The following NCS1 variants were observed in gnomAD, a reference collection of about 807,000 sequenced individuals.
NCS1 encodes neuronal calcium sensor 1, also known as frequenin homolog.
Under a neutral mutation model 28.4 loss-of-function variants are expected in NCS1, and 6 were observed. That is an observed-to-expected ratio of 0.21 (90% CI 0.12 to 0.42). The LOEUF is 0.42. Ranked by LOEUF, NCS1 falls within the 10% of genes least tolerant of loss-of-function variation. The pLI, the probability that NCS1 is intolerant of heterozygous loss-of-function variation, is 1.00. For missense variants in NCS1, 131 were observed against 241.4 expected (o/e 0.54, Z 3.03); for synonymous variants, 86 against 99.3 (o/e 0.87, Z 0.79).
At chr9:130,211,265 T>C (rs2131144624) in intron 2 of NCS1, among the ~76,000 whole-genome samples, 2 of 151,920 alleles carry the variant, frequency 1.3e-5, no homozygotes, top group East Asian at 3.9e-4. Flanking sequence ...CCCTTTCTCC[T>C]GCACACATGA....
At chr9:130,190,215 A>G (rs575685293) in intron 1 of NCS1, among the ~76,000 whole-genome samples, 3 of 152,280 alleles carry the variant, frequency 2.0e-5, no homozygotes, top group East Asian at 1.9e-4. Flanking sequence ...AGCACCTACT[A>G]TGTGCCAGAT....
At chr9:130,176,854 T>A (rs1832579395) in intron 1 of NCS1, among the ~76,000 whole-genome samples, 1 of 152,168 alleles carries the variant, frequency 6.6e-6, no homozygotes, top group African/African-American at 2.4e-5. Context: ...TGCAAGCCAT[T>A]TGTGGTGGTC....
chr9:130,203,421 G>A lies in NCS1; in HGVS notation c.89+2439G>A, dbSNP rs1168044487. ...TGCCCAGCCTCCAGTGTGAATATTT[G>A]AATGAGGGATGAATGAGTGGACAGC... On this transcript the variant is annotated intron_variant, in intron 2 of 7. Coordinates refer to ENST00000372398, the MANE Select transcript of NCS1 (RefSeq NM_014286.4). Among the ~76,000 whole-genome samples the A allele has an allele frequency of 5.3e-5, 8 of 152,292 alleles. No homozygotes were observed. The East Asian group carries it at 1.5e-3, about 29-fold the overall frequency.
intron 6 of NCS1, among the ~76,000 whole-genome samples, chr9:130,225,289 C>T (rs1374017207): frequency 2.0e-5 from 3 of 152,210 alleles, no homozygotes; most frequent in African/African-American, 7.2e-5. Flanking sequence ...AAAGCTTTGA[C>T]CTGAGGCCTG....
intron 2 of NCS1, among the ~76,000 whole-genome samples, chr9:130,202,867 A>C (rs908867438): frequency 6.6e-6 from 1 of 151,970 alleles, no homozygotes; most frequent in Non-Finnish European, 1.5e-5. Context: ...GGAGTGAGCC[A>C]CTGCACGTGG....
At position 130,216,700 on chromosome 9, in the gene NCS1, A is replaced by G. The variant is rs1245369342; in HGVS notation, c.90-1132A>G. Among the ~76,000 whole-genome samples, 3 of 149,694 alleles carry G rather than the reference A, an allele frequency of 2.0e-5. No homozygotes were observed. In the East Asian group the frequency reaches 6.0e-4, roughly 30 times the overall value. ...CACTGCACTCCAGCCTGGGCGACAC[A>G]GTGAGACTCTGTCTCAAAAAAAAAA... On this transcript the variant is annotated intron_variant, in intron 2 of 7. Coordinates refer to ENST00000372398, the MANE Select transcript of NCS1 (RefSeq NM_014286.4).
At chr9:130,225,049 G>A (rs531726522) in intron 6 of NCS1, among the ~76,000 whole-genome samples, 3 of 152,156 alleles carry the variant, frequency 2.0e-5, no homozygotes, top group East Asian at 3.9e-4. Context: ...AAAATTAGCC[G>A]GGTGTGGTGG....
At chr9:130,190,532 G>A (rs1324578826) in intron 1 of NCS1, among the ~76,000 whole-genome samples, 1 of 152,206 alleles carries the variant, frequency 6.6e-6, no homozygotes, top group Non-Finnish European at 1.5e-5. Flanking sequence ...ACCTATGTCA[G>A]TGCGACTTGA....
In NCS1 at chr9:130,233,673, G is replaced by T. The variant is rs1833530660; in HGVS notation, c.*701G>T. The T allele has an allele frequency of 6.6e-6, 1 of 152,436 alleles. No homozygotes were observed. The highest frequency in any genetic ancestry group is 2.1e-4 in the South Asian group (1 of 4,812). 9.4% of individuals were successfully genotyped at this position (152,436 alleles called of 1,614,324 possible). ...AATTTATTGGTTGTTAACTGTTGCT[G>T]CTGCCTGGTGTGTCCTCAGCTCCCA... On this transcript the variant is annotated 3_prime_UTR_variant, in exon 8 of 8. Coordinates refer to ENST00000372398, the MANE Select transcript of NCS1 (RefSeq NM_014286.4). This position sits in a 1 kb window ranked among gnomAD's most constrained non-coding sequence, Gnocchi z 4.8.
At position 130,219,851 on chromosome 9, in the gene NCS1, G is replaced by C; in HGVS notation, c.307+48G>C. The C allele has an allele frequency of 1.3e-6, 2 of 1,594,396 alleles. No individual in the cohort carries two copies. Among genetic ancestry groups the C allele is most frequent in the Non-Finnish European group, 1.7e-6 (2 of 1,162,506 alleles). On this transcript the variant is annotated intron_variant, in intron 4 of 7. Transcript: ENST00000372398. The surrounding 1 kb of genome is among the most constrained non-coding windows in gnomAD (Gnocchi z 5.7). ...TGTGTGGCAGCAGCTGGAGGGCCCA[G>C]GTCAGAGGGAGGCAGCCCTCGGCCC...
chr9:130,213,145 G>GA (rs1251303246), intron 2 of NCS1, among the ~76,000 whole-genome samples: 1 of 152,228 alleles, frequency 6.6e-6, no homozygotes, highest in Non-Finnish European at 1.5e-5. Context: ...GGGAGCCTGG[G>GA]AGGCAGGAGC....
Position 130,175,871 on chromosome 9 carries a change from C to T in NCS1, c.64+3144C>T, listed in dbSNP as rs782666052. ...GTGGCAGTCAGCATTGCGGGCGGCC[C>T]AGTTTCTTTCAGGTCTGGCCCACTC... On this transcript the variant is annotated intron_variant, in intron 1 of 7. Coordinates refer to ENST00000372398, the MANE Select transcript of NCS1 (RefSeq NM_014286.4). The surrounding 1 kb of genome is among the most constrained non-coding windows in gnomAD (Gnocchi z 4.9). Among the ~76,000 whole-genome samples the T allele has an allele frequency of 6.6e-6, 1 of 152,188 alleles. No individual in the cohort carries two copies. The highest frequency in any genetic ancestry group is 1.5e-5 in the Non-Finnish European group (1 of 68,030).
intron 1 of NCS1, among the ~76,000 whole-genome samples, chr9:130,176,563 G>A (rs1832574495): frequency 6.6e-6 from 1 of 152,160 alleles, no homozygotes. Context: ...TATTTTGTGG[G>A]CAAATTTCTT....
intron 2 of NCS1, among the ~76,000 whole-genome samples, chr9:130,202,990 G>A (rs1686740924): frequency 6.6e-6 from 1 of 151,746 alleles, no homozygotes. Flanking sequence ...GGCAGGGTTG[G>A]GATGAACCAT....
At chr9:130,197,831 T>C (rs1229527630) in intron 1 of NCS1, among the ~76,000 whole-genome samples, 2 of 152,024 alleles carry the variant, frequency 1.3e-5, no homozygotes, top group Non-Finnish European at 2.9e-5. Flanking sequence ...GCCGTGGTGG[T>C]GTATGCCTGT....
chr9:130,218,004 G>A lies in NCS1; in HGVS notation c.228+34G>A, dbSNP rs1833212315. ...GGGATTGATGGGGCCTGCGGCAGCT[G>A]GCTCAGCTCCTGTGGGTACCCGCAG... On this transcript the variant is annotated intron_variant, in intron 3 of 7. Coordinates refer to ENST00000372398, the MANE Select transcript of NCS1 (RefSeq NM_014286.4). 5.0e-6 allele frequency: 8 copies of A among 1,613,520 alleles called. No individual in the cohort carries two copies. The South Asian group carries it at 5.5e-5, about 11-fold the overall frequency.
chr9:130,183,003 G>C (rs1832683775), intron 1 of NCS1, among the ~76,000 whole-genome samples: 2 of 152,254 alleles, frequency 1.3e-5, no homozygotes, highest in South Asian at 4.1e-4. Flanking sequence ...TTTGGTGTCT[G>C]TGGGGTGTGT....
At chr9:130,184,133 A>G (rs1466944866) in intron 1 of NCS1, among the ~76,000 whole-genome samples, 2 of 151,932 alleles carry the variant, frequency 1.3e-5, no homozygotes, top group Admixed American at 6.6e-5. Flanking sequence ...TTCTTCTGCT[A>G]TGGGAAACAG....
chr9:130,200,584 G>T, intron 1 of NCS1: 2 of 1,551,716 alleles, frequency 1.3e-6, no homozygotes, highest in Non-Finnish European at 1.7e-6. Flanking sequence ...CTGACATCCC[G>T]TCCCCAGGGA....
Sources: gnomAD v4.1 joint callset for allele counts (sites outside exome capture counted in the v4.1 genomes callset) on GRCh38, gnomAD v4.1.1 for gene constraint, Gnocchi (gnomAD v3.1) non-coding constraint, MANE v1.5 for transcripts, NCBI Gene and HGNC (gene_info 2026-07-23, HGNC 2026-07-21) for gene names.